The following SULF2 variants were observed in gnomAD, a reference collection of about 807,000 sequenced individuals.
SULF2 encodes the protein extracellular sulfatase Sulf-2.
A neutral mutation model predicts 107.7 loss-of-function variants in SULF2; 52 were observed. That is an observed-to-expected ratio of 0.48 (90% CI 0.39 to 0.61). SULF2 has a LOEUF of 0.61. Among genes scored for constraint, SULF2 ranks in the 20% least tolerant of loss-of-function variants. The probability of loss-of-function intolerance (pLI) is 0.00; values close to 1 mark genes in which losing one functional copy is unlikely to be tolerated. For synonymous variants in SULF2, 460 were observed against 464.3 expected (o/e 0.99, Z 0.12); for missense variants, 993 against 1,177.3 (o/e 0.84, Z 2.29).
chr20:47,736,577 T>C, intron 3 of SULF2, 126 bp downstream of exon 3: 1 of 1,285,020 alleles, frequency 7.8e-7, no homozygotes, highest in Non-Finnish European at 1.1e-6. Flanking sequence ...ACTCTGAAAT[T>C]ATAAGAGAGT....
At chr20:47,673,409 G>A (rs1260410314) in intron 10 of SULF2, among the ~76,000 whole-genome samples, 3 of 152,218 alleles carry the variant, frequency 2.0e-5, no homozygotes, top group Non-Finnish European at 4.4e-5. Context: ...TGAGGCACAC[G>A]GAGGTAGAGA....
chr20:47,694,944 A>G lies in SULF2; in HGVS notation c.568-4649T>C, dbSNP rs185124244. On this transcript the variant is annotated intron_variant, in intron 4 of 20. Coordinates refer to ENST00000688720, the MANE Select transcript of SULF2 (RefSeq NM_001387048.1). This position sits in a 1 kb window ranked among gnomAD's most constrained non-coding sequence, Gnocchi z 4.4. ...ATAAGGAAGTGAGGTCCCCAAACAAATAAGCCATGCATCCAGAGCTGGAGC... is the reference window on the plus strand; with the variant it reads ...ATAAGGAAGTGAGGTCCCCAAACAAGTAAGCCATGCATCCAGAGCTGGAGC... 3.3e-5 allele frequency among the ~76,000 whole-genome samples: 5 copies of G among 152,344 alleles called. No homozygotes were observed. The highest frequency in any genetic ancestry group is 6.5e-5 in the Admixed American group (1 of 15,296).
intron 10 of SULF2, among the ~76,000 whole-genome samples, chr20:47,674,487 G>A (rs555445157): frequency 6.6e-6 from 1 of 152,352 alleles, no homozygotes; most frequent in East Asian, 1.9e-4. Flanking sequence ...ACACTCACGT[G>A]TTGCCCGTGA....
At chr20:47,753,591 T>G (rs975612758) in intron 2 of SULF2, among the ~76,000 whole-genome samples, 1 of 152,256 alleles carries the variant, frequency 6.6e-6, no homozygotes, top group Non-Finnish European at 1.5e-5. Context: ...GCAATGGGTA[T>G]TGGTTTTTTC....
chr20:47,758,743 T>C (rs1907835536), intron 1 of SULF2, among the ~76,000 whole-genome samples: 3 of 152,120 alleles, frequency 2.0e-5, no homozygotes, highest in Non-Finnish European at 4.4e-5. Flanking sequence ...ATATAGACTT[T>C]TGGTATCATT....
At chr20:47,730,460 CT>C (rs370744938) in intron 3 of SULF2, among the ~76,000 whole-genome samples, 1 of 151,564 alleles carries the variant, frequency 6.6e-6, no homozygotes, top group African/African-American at 2.4e-5. Context: ...GTTGTTGTTA[CT>C]TTTTTTTTGA....
chr20:47,681,153 TGA>T (rs994327443), intron 7 of SULF2, among the ~76,000 whole-genome samples: 93 of 152,312 alleles, frequency 6.1e-4, no homozygotes, highest in African/African-American at 2.1e-3. Flanking sequence ...GAAGTGGGAC[TGA>T]GAGATAAGAA....
intron 1 of SULF2, among the ~76,000 whole-genome samples, chr20:47,778,442 TGGCAGA>T (rs1568934371): frequency 6.6e-6 from 1 of 152,224 alleles, no homozygotes; most frequent in Non-Finnish European, 1.5e-5. Context: ...TGACGCTCCA[TGGCAGA>T]GGCCAGGGCC....
chr20:47,663,503 G>A lies in SULF2; in HGVS notation c.2177C>T (p.Thr726Met), dbSNP rs114428656. The change falls in exon 16 of 21, where the codon ACG becomes ATG. Residue 726 changes from threonine (T) to methionine (M), a missense_variant. Physicochemically the swap from Thr to Met is moderately conservative, Grantham distance 81. Coordinates refer to ENST00000688720, the MANE Select transcript of SULF2 (RefSeq NM_001387048.1). ...NNDTCSMPGL[T>M]CFTHDNQHWQ... ...GTGCTGGTTGTCGTGGGTGAAGCACGTGAGGCCTGGCATGCTGCACGTGTC... is the reference window on the plus strand; with the variant it reads ...GTGCTGGTTGTCGTGGGTGAAGCACATGAGGCCTGGCATGCTGCACGTGTC... The A allele has an allele frequency of 1.9e-5, 31 of 1,612,066 alleles. No individual in the cohort carries two copies. The highest frequency in any genetic ancestry group is 4.5e-5 in the East Asian group (2 of 44,876).
intron 2 of SULF2, among the ~76,000 whole-genome samples, chr20:47,737,770 T>TTG (rs1555850704): frequency 2.9e-5 from 4 of 138,646 alleles, no homozygotes; most frequent in African/African-American, 1.1e-4. Flanking sequence ...TTTTTTTTTT[T>TTG]TTTTTTTTTT....
intron 1 of SULF2, among the ~76,000 whole-genome samples, chr20:47,767,482 T>G (rs1160682659): frequency 6.6e-6 from 1 of 152,008 alleles, no homozygotes; most frequent in Non-Finnish European, 1.5e-5. Flanking sequence ...CCATCTCTAC[T>G]AAAACTACAA....
At chr20:47,758,634 C>T (rs973578162) in intron 1 of SULF2, among the ~76,000 whole-genome samples, 6 of 152,196 alleles carry the variant, frequency 3.9e-5, no homozygotes, top group African/African-American at 1.4e-4. Context: ...GGTGGGGACG[C>T]GACTCTGGCT....
At position 47,765,302 on chromosome 20, in the gene SULF2, C is replaced by A. The variant is rs6094819; in HGVS notation, c.-100-7839G>T. Among the ~76,000 whole-genome samples, 6 of 150,504 alleles carry A rather than the reference C, an allele frequency of 4.0e-5. No homozygotes were observed. The East Asian group carries it at 1.2e-3, about 29-fold the overall frequency. ...CTCAGAGGTGGAGCCTGCAGTGAGC[C>A]GAGATCGAGCCACTGTACTCCAGCC... is the stretch of plus-strand genomic sequence containing the variant. On this transcript the variant is annotated intron_variant, in intron 1 of 20. Transcript: ENST00000688720.
In SULF2 at chr20:47,666,789, G is replaced by T. The variant is rs917884722; in HGVS notation, c.1577-301C>A. ...AATGGCGGTACATCATCTGTACAAC[G>T]GAATATGCGACCAGAACCAGGAGCG... On this transcript the variant is annotated intron_variant, in intron 11 of 20. Coordinates refer to ENST00000688720, the MANE Select transcript of SULF2 (RefSeq NM_001387048.1). The surrounding 1 kb of genome is among the most constrained non-coding windows in gnomAD (Gnocchi z 5.4). Among the ~76,000 whole-genome samples, 1 of 152,220 alleles carries T rather than the reference G, an allele frequency of 6.6e-6. No homozygotes were observed. Among genetic ancestry groups the T allele is most frequent in the East Asian group, 1.9e-4 (1 of 5,196 alleles).
chr20:47,689,931 G>C, intron 5 of SULF2, 195 bp downstream of exon 5: 1 of 475,792 alleles, frequency 2.1e-6, no homozygotes, highest in Non-Finnish European at 3.4e-6. Context: ...CTCCTGCCTT[G>C]GTCTGTTGCC....
intron 3 of SULF2, among the ~76,000 whole-genome samples, chr20:47,727,018 G>A (rs964965764): frequency 9.9e-5 from 15 of 151,546 alleles, no homozygotes; most frequent in African/African-American, 1.5e-4. Flanking sequence ...GGGGAAGAGC[G>A]GCAGGTTTGC....
chr20:47,662,883 T>C (rs1351404950), intron 17 of SULF2, among the ~76,000 whole-genome samples, 187 bp downstream of exon 17: 1 of 151,996 alleles, frequency 6.6e-6, no homozygotes, highest in Non-Finnish European at 1.5e-5. Flanking sequence ...AGCAGGGTGA[T>C]GGAGGCAAAA....
At chr20:47,780,534 T>C (rs1429983763) in intron 1 of SULF2, among the ~76,000 whole-genome samples, 1 of 151,982 alleles carries the variant, frequency 6.6e-6, no homozygotes, top group Non-Finnish European at 1.5e-5. Context: ...TCCCACCCCA[T>C]CACATCATGC....
rs751090953 is a variant in SULF2, at chr20:47,666,111, G to A, written c.1805+149C>T. ...ACCGATGTGTCACTTTAATGGGGTT[G>A]GCGGCTGAATAGTCGGGAAGGCCTC... On this transcript the variant is annotated intron_variant, in intron 12 of 20. Transcript: ENST00000688720. This position sits in a 1 kb window ranked among gnomAD's most constrained non-coding sequence, Gnocchi z 5.4. 3 of 1,612,396 alleles carry A rather than the reference G, an allele frequency of 1.9e-6. No homozygotes were observed. The highest frequency in any genetic ancestry group is 2.5e-6 in the Non-Finnish European group (3 of 1,179,252).
Sources: gnomAD v4.1 joint callset for allele counts (sites outside exome capture counted in the v4.1 genomes callset) on GRCh38, gnomAD v4.1.1 for gene constraint, Gnocchi (gnomAD v3.1) non-coding constraint, MANE v1.5 for transcripts, NCBI Gene and HGNC (gene_info 2026-07-23, HGNC 2026-07-21) for gene names.